Variants in NAV1 observed in about 807,000 individuals in gnomAD.
NAV1 encodes pore membrane and/or filament interacting like protein 3.
In NAV1, 18 loss-of-function variants were observed where a neutral mutation model predicts 175.2. The observed-to-expected ratio is 0.10, with a 90% CI of 0.07 to 0.15. The LOEUF (loss-of-function observed/expected upper bound fraction) is 0.15, where lower values mean the gene tolerates loss of function less well. Among genes scored for constraint, NAV1 ranks in the 10% least tolerant of loss-of-function variants. The pLI is 1.00. For synonymous variants in NAV1, 897 were observed against 978.7 expected (o/e 0.92, Z 1.56); for missense variants, 1,731 against 2,436.6 (o/e 0.71, Z 6.10).
At chr1:201,792,794 G>A (rs1677199730) in intron 13 of NAV1, 1 of 152,264 alleles carries the variant, frequency 6.6e-6, no homozygotes, top group African/African-American at 2.4e-5. Flanking sequence ...TAAAGGGATT[G>A]CCTCCAGCCC....
chr1:201,779,041 G>T (rs1252516294), intron 3 of NAV1, among the ~76,000 whole-genome samples: 1 of 152,168 alleles, frequency 6.6e-6, no homozygotes, highest in Admixed American at 6.5e-5. Context: ...GAACTTCCGT[G>T]TTCAGTTTTA....
At chr1:201,665,668 G>A (rs1669798759) in intron 1 of NAV1, among the ~76,000 whole-genome samples, 1 of 150,606 alleles carries the variant, frequency 6.6e-6, no homozygotes, top group Non-Finnish European at 1.5e-5. Flanking sequence ...CAAAGAGAGG[G>A]TAAGACCAGG....
intron 1 of NAV1, among the ~76,000 whole-genome samples, chr1:201,577,513 T>C (rs1013029142): frequency 1.5e-5 from 2 of 135,578 alleles, no homozygotes; most frequent in African/African-American, 5.5e-5. Flanking sequence ...GGATGTCCAA[T>C]CACTCCAGCA....
At chr1:201,685,329 G>A (rs1670643402) in intron 1 of NAV1, among the ~76,000 whole-genome samples, 1 of 152,192 alleles carries the variant, frequency 6.6e-6, no homozygotes, top group African/African-American at 2.4e-5. Flanking sequence ...GAGAAACACT[G>A]TAGCAAGCAC....
chr1:201,700,862 T>C (rs1197128792), intron 1 of NAV1, among the ~76,000 whole-genome samples: 1 of 151,096 alleles, frequency 6.6e-6, no homozygotes, highest in East Asian at 1.9e-4. Context: ...ATACAAAAAA[T>C]TAGCCAGGCG....
intron 25 of NAV1, 64 bp downstream of exon 29, chr1:201,811,821 C>T (rs1678713036): frequency 1.2e-6 from 2 of 1,610,330 alleles, no homozygotes; most frequent in Admixed American, 1.7e-5. Flanking sequence ...CAGTCCAGGA[C>T]AACCTATGAG....
chr1:201,826,425 A>C (rs1679676124), exon 30 of NAV1: 2 of 152,324 alleles, frequency 1.3e-5, no homozygotes, highest in African/African-American at 2.4e-5. Flanking sequence ...TTTTTCTAAC[A>C]AAACAATCTT....
chr1:201,674,542 A>T (rs491786), intron 1 of NAV1, among the ~76,000 whole-genome samples: 6,246 of 152,304 alleles, frequency 0.041, 159 homozygotes, highest in Non-Finnish European at 0.063. Context: ...TAATTTATTT[A>T]AAAAAGAGGT....
chr1:201,733,610 A>T (rs1672961542), intron 3 of NAV1: 1 of 152,148 alleles, frequency 6.6e-6, no homozygotes, highest in South Asian at 2.1e-4. Context: ...AGGAAAAATA[A>T]AGCAGGGTAA....
intron 3 of NAV1, among the ~76,000 whole-genome samples, chr1:201,734,320 A>T (rs1341276315): frequency 6.6e-6 from 1 of 151,608 alleles, no homozygotes; most frequent in African/African-American, 2.4e-5. Flanking sequence ...AGGTGGGAGG[A>T]TCGCTTGAGT....
At chr1:201,573,581 C>T (rs1259957005) in intron 1 of NAV1, among the ~76,000 whole-genome samples, 4 of 152,206 alleles carry the variant, frequency 2.6e-5, no homozygotes, top group African/African-American at 7.2e-5. Flanking sequence ...GACCCTCCAT[C>T]ATGACAGAGG....
At chr1:201,604,396 G>A (rs955364665) in intron 2 of NAV1, among the ~76,000 whole-genome samples, 2 of 152,146 alleles carry the variant, frequency 1.3e-5, no homozygotes, top group African/African-American at 4.8e-5. Flanking sequence ...AAGCTCATGG[G>A]CCGGGTGTAC....
intron 3 of NAV1, among the ~76,000 whole-genome samples, chr1:201,725,785 T>C (rs1019324367): frequency 6.6e-6 from 1 of 151,868 alleles, no homozygotes; most frequent in African/African-American, 2.4e-5. Flanking sequence ...AGCAAGACAC[T>C]GTTTCTACAA....
intron 1 of NAV1, among the ~76,000 whole-genome samples, chr1:201,677,459 C>T (rs1028074320): frequency 6.6e-6 from 1 of 151,990 alleles, no homozygotes; most frequent in Non-Finnish European, 1.5e-5. Flanking sequence ...TGCCCAATGT[C>T]CCTTCCTCCT....
chr1:201,604,217 G>A (rs1260313153), intron 2 of NAV1, among the ~76,000 whole-genome samples: 1 of 152,172 alleles, frequency 6.6e-6, no homozygotes, highest in Non-Finnish European at 1.5e-5. Context: ...ACCACGCCTA[G>A]CTAATTTTTA....
chr1:201,546,659 C>T (rs984237853), intron 1 of NAV1, among the ~76,000 whole-genome samples: 3 of 152,110 alleles, frequency 2.0e-5, no homozygotes, highest in Non-Finnish European at 4.4e-5. Context: ...AATCCCAGCA[C>T]TTTGGGAGGC....
intron 1 of NAV1, among the ~76,000 whole-genome samples, chr1:201,551,227 G>A (rs991146827): frequency 6.6e-6 from 1 of 152,032 alleles, no homozygotes; most frequent in African/African-American, 2.4e-5. Context: ...GTGGACTGGT[G>A]TCTTTCTTTT....
chr1:201,549,077 C>CTCTTTCCTTCTT (rs1220384414), intron 1 of NAV1, among the ~76,000 whole-genome samples: 9 of 130,012 alleles, frequency 6.9e-5, no homozygotes, highest in African/African-American at 2.4e-4. Flanking sequence ...TTCTAGTTTT[C>CTCTTTCCTTCTT]TCTTTCTTTC....
At chr1:201,601,077 A>C (rs1667498524) in intron 2 of NAV1, among the ~76,000 whole-genome samples, 1 of 152,220 alleles carries the variant, frequency 6.6e-6, no homozygotes. Flanking sequence ...CCAGGGAGCT[A>C]CTCAGCTGGA....
Sources: allele counts gnomAD v4.1 joint callset (sites outside exome capture counted in the v4.1 genomes callset), GRCh38; gene constraint gnomAD v4.1.1; transcripts MANE v1.5; gene names NCBI Gene and HGNC (gene_info 2026-07-23, HGNC 2026-07-21).